PCDHGA1: variants seen among roughly 807,000 people sequenced by gnomAD.
PCDHGA1 encodes the protein protocadherin gamma subfamily A, 1.
Under a neutral mutation model 58.0 loss-of-function variants are expected in PCDHGA1, and 32 were observed. The ratio of observed to expected loss-of-function variants is 0.55; its 90% CI spans 0.42 to 0.74. The LOEUF (loss-of-function observed/expected upper bound fraction) is 0.74. Ranked by LOEUF, PCDHGA1 falls within the 30% of genes least tolerant of loss-of-function variation. The probability of loss-of-function intolerance (pLI) is 0.00; values close to 1 mark genes in which losing one functional copy is unlikely to be tolerated. For synonymous variants in PCDHGA1, 498 were observed against 501.1 expected (o/e 0.99, Z 0.08); for missense variants, 1,205 against 1,182.3 (o/e 1.02, Z -0.28).
chr5:141,361,000 A>C, intron 1 of PCDHGA1: 1 of 1,613,524 alleles, frequency 6.2e-7, no homozygotes, highest in Non-Finnish European at 8.5e-7. Flanking sequence ...CGAACAAGTG[A>C]AACACTTTTT....
intron 1 of PCDHGA1, among the ~76,000 whole-genome samples, chr5:141,482,526 C>T (rs1198022164): frequency 1.5e-5 from 1 of 68,582 alleles, no homozygotes; most frequent in African/African-American, 9.7e-5. Flanking sequence ...ATGAGACAGA[C>T]ATGCAAAAAA....
At chr5:141,339,659 G>A in intron 1 of PCDHGA1, 1 of 1,614,170 alleles carries the variant, frequency 6.2e-7, no homozygotes, top group Non-Finnish European at 8.5e-7. Context: ...CCGCATCTGC[G>A]TGAAGGTCCT....
rs188283892 is a variant in PCDHGA1, at chr5:141,394,450, T to C, written c.2421+61345T>C. ...GGGGACCCGCCCCTCAGCAGCAACA[T>C]GTCACTGAGCCTGTTCGTGCTGGAC... On this transcript the variant is annotated intron_variant, in intron 1 of 3. Coordinates refer to ENST00000517417, the MANE Select transcript of PCDHGA1 (RefSeq NM_018912.3). 12 of 1,614,228 alleles carry C rather than the reference T, an allele frequency of 7.4e-6. No individual in the cohort carries two copies. In the South Asian group the frequency reaches 1.3e-4, roughly 18 times the overall value.
rs754888812 is a variant in PCDHGA1, at chr5:141,374,393, G to T, written c.2421+41288G>T. The T allele has an allele frequency of 1.1e-5, 18 of 1,614,032 alleles. No individual in the cohort carries two copies. In the Middle Eastern group the frequency reaches 1.2e-3, roughly 104 times the overall value. ...CTGTGCTCAGAGCCCGCGGTGTCTG[G>T]TGAGTTTTAACATCCTTGTCGAGGA... On this transcript the variant is annotated intron_variant, in intron 1 of 3. Transcript: ENST00000517417.
At chr5:141,387,558 C>G (rs1456100013) in intron 1 of PCDHGA1, 1 of 417,976 alleles carries the variant, frequency 2.4e-6, no homozygotes, top group Non-Finnish European at 4.2e-6. Context: ...TTCAGTTAGG[C>G]ACACAATTAT....
intron 1 of PCDHGA1, among the ~76,000 whole-genome samples, chr5:141,347,038 CCT>C (rs763589183): frequency 1.3e-5 from 2 of 150,014 alleles, no homozygotes; most frequent in South Asian, 2.1e-4. Context: ...TTCCTTCCTT[CCT>C]CTCTCTCTTT....
intron 1 of PCDHGA1, chr5:141,422,092 G>T: frequency 6.2e-7 from 1 of 1,611,520 alleles, no homozygotes; most frequent in Non-Finnish European, 8.5e-7. Context: ...GGAAAGCAAG[G>T]CTTCTGAAAT....
intron 1 of PCDHGA1, chr5:141,395,733 T>C (rs567626582): frequency 5.9e-5 from 9 of 153,748 alleles, no homozygotes; most frequent in African/African-American, 2.2e-4. Context: ...TTTCTTCACT[T>C]TAAACCTCTT....
At chr5:141,383,042 T>A (rs1397489820) in intron 1 of PCDHGA1, 10 of 1,613,724 alleles carry the variant, frequency 6.2e-6, no homozygotes, top group Non-Finnish European at 7.6e-6. Flanking sequence ...GTGGGAGACA[T>A]CGCCAAGGAC....
At chr5:141,345,776 C>T in intron 1 of PCDHGA1, 3 of 1,614,142 alleles carry the variant, frequency 1.9e-6, no homozygotes, top group South Asian at 1.1e-5. Flanking sequence ...CGCCTCGCTC[C>T]GCAGAGCCCG....
intron 1 of PCDHGA1, chr5:141,409,624 G>A (rs747166507): frequency 2.5e-6 from 4 of 1,613,846 alleles, no homozygotes; most frequent in Non-Finnish European, 3.4e-6. Flanking sequence ...TTGCGCAAGT[G>A]AGCGCCTCTG....
intron 1 of PCDHGA1, chr5:141,392,870 G>C: frequency 6.2e-7 from 1 of 1,613,226 alleles, no homozygotes; most frequent in Non-Finnish European, 8.5e-7. Context: ...TGTGCGCGCT[G>C]CTGGGAACGC....
intron 1 of PCDHGA1, among the ~76,000 whole-genome samples, chr5:141,335,028 A>G (rs1037951572): frequency 6.6e-6 from 1 of 152,096 alleles, no homozygotes; most frequent in South Asian, 2.1e-4. Context: ...CTGTCAACAC[A>G]CTGTTATTTT....
chr5:141,338,905 G>A (rs777160790), intron 1 of PCDHGA1: 17 of 1,496,996 alleles, frequency 1.1e-5, no homozygotes, highest in Non-Finnish European at 1.5e-5. Flanking sequence ...CACACCCTGA[G>A]GAATAAAGAT....
intron 1 of PCDHGA1, among the ~76,000 whole-genome samples, chr5:141,380,766 T>C (rs1403335185): frequency 1.3e-5 from 2 of 152,224 alleles, no homozygotes; most frequent in Admixed American, 1.3e-4. Context: ...TATAAATTAA[T>C]TGAGACTTTT....
chr5:141,460,792 A>T (rs1028557260), intron 1 of PCDHGA1, among the ~76,000 whole-genome samples: 30 of 152,012 alleles, frequency 2.0e-4, no homozygotes, highest in Non-Finnish European at 2.9e-5. Context: ...ATATACACAC[A>T]AAGTATATAT....
intron 1 of PCDHGA1, among the ~76,000 whole-genome samples, chr5:141,425,497 CT>C (rs2096879671): frequency 6.6e-6 from 1 of 152,164 alleles, no homozygotes; most frequent in African/African-American, 2.4e-5. Context: ...TAGGCTATAC[CT>C]TTATATTCTC....
chr5:141,336,270 A>G (rs368881297), intron 1 of PCDHGA1, among the ~76,000 whole-genome samples: 7 of 152,296 alleles, frequency 4.6e-5, no homozygotes, highest in African/African-American at 1.7e-4. Flanking sequence ...AATCCCAGGT[A>G]CTGAGTAGGC....
At position 141,405,317 on chromosome 5, in the gene PCDHGA1, G is replaced by A. The variant is rs1443108777; in HGVS notation, c.2421+72212G>A. ...CAGCCAGCAGAGCTGTGAGAAAAAT[G>A]AGCCTTTGTGCGTCTCTGTTGATTC... On this transcript the variant is annotated intron_variant, in intron 1 of 3. Coordinates refer to ENST00000517417, the MANE Select transcript of PCDHGA1 (RefSeq NM_018912.3). 2.5e-6 allele frequency: 4 copies of A among 1,614,080 alleles called. No individual in the cohort carries two copies. The African/African-American group carries it at 5.3e-5, about 22-fold the overall frequency.
Sources: allele counts gnomAD v4.1 joint callset (sites outside exome capture counted in the v4.1 genomes callset), GRCh38; gene constraint gnomAD v4.1.1; transcripts MANE v1.5; gene names NCBI Gene and HGNC (gene_info 2026-07-23, HGNC 2026-07-21).